The following AASS variants were observed in gnomAD, a reference collection of about 807,000 sequenced individuals.
The protein encoded by AASS is aminoadipate-semialdehyde synthase.
A neutral mutation model predicts 105.4 loss-of-function variants in AASS; 86 were observed. The ratio of observed to expected loss-of-function variants is 0.82; its 90% CI spans 0.69 to 0.98. The LOEUF is 0.98. AASS is among the 50% of genes least tolerant of loss of function. The pLI, the probability that AASS is intolerant of heterozygous loss-of-function variation, is 0.00. For missense variants in AASS, 1,048 were observed against 1,143.2 expected (o/e 0.92, Z 1.20); for synonymous variants, 381 against 394.8 (o/e 0.96, Z 0.41).
chr7:122,127,477 A>G (rs1329703288), intron 3 of AASS, among the ~76,000 whole-genome samples: 2 of 152,102 alleles, frequency 1.3e-5, no homozygotes, highest in African/African-American at 2.4e-5. Context: ...TAATTTTCTT[A>G]TAATGAACAA....
intron 11 of AASS, among the ~76,000 whole-genome samples, chr7:122,104,335 C>T (rs1156242196): frequency 6.6e-6 from 1 of 152,074 alleles, no homozygotes; most frequent in African/African-American, 2.4e-5. Context: ...GTGGCTCACA[C>T]CTGTAATCCC....
Position 122,115,152 on chromosome 7 carries a change from C to A in AASS, c.965G>T (p.Arg322Leu). The A allele has an allele frequency of 6.2e-7, 1 of 1,614,062 alleles. No individual in the cohort carries two copies. The highest frequency in any genetic ancestry group is 8.5e-7 in the Non-Finnish European group (1 of 1,180,002). ...AGCCAGGAGACTCTGAGCATCTTGG[C>A]GGGTTAGGAGGCGAGGAGTGTTTTG... ...WEQNTPRLLT[R>L]QDAQSLLAPG... Residue 322 changes from arginine (R) to leucine (L), a missense_variant, in exon 9 of 24, where the codon CGC (arginine) becomes CTC (leucine). By Grantham distance (102) the Arg-to-Leu change is moderately radical. Transcript: ENST00000417368.
intron 1 of AASS, among the ~76,000 whole-genome samples, chr7:122,134,055 A>T (rs1341917599): frequency 6.6e-6 from 1 of 152,218 alleles, no homozygotes; most frequent in Non-Finnish European, 1.5e-5. Context: ...GTTTTAAACA[A>T]ATTAATCTAC....
At chr7:122,086,897 C>A (rs1045707533) in intron 18 of AASS, among the ~76,000 whole-genome samples, 17 of 152,152 alleles carry the variant, frequency 1.1e-4, no homozygotes, top group African/African-American at 4.1e-4. Flanking sequence ...ACCCCTACCC[C>A]CATCACACAT....
At chr7:122,096,526 G>A (rs1794161827) in intron 15 of AASS, among the ~76,000 whole-genome samples, 1 of 152,024 alleles carries the variant, frequency 6.6e-6, no homozygotes, top group Non-Finnish European at 1.5e-5. Flanking sequence ...TACTTGGGTG[G>A]TTGAGGTGGG....
At chr7:122,098,424 A>C (rs755717168) in intron 15 of AASS, 26 bp downstream of exon 15, 1 of 1,610,802 alleles carries the variant, frequency 6.2e-7, no homozygotes, top group Non-Finnish European at 8.5e-7. Flanking sequence ...CAAAAATATG[A>C]AACTCATTTC....
At chr7:122,107,722 G>A (rs369334386) in intron 11 of AASS, among the ~76,000 whole-genome samples, 49 of 152,098 alleles carry the variant, frequency 3.2e-4, no homozygotes, top group African/African-American at 1.1e-3. Context: ...CACATAGAGG[G>A]GAACAACACA....
At chr7:122,108,828 A>G (rs573212586) in intron 11 of AASS, among the ~76,000 whole-genome samples, 1 of 152,160 alleles carries the variant, frequency 6.6e-6, no homozygotes, top group African/African-American at 2.4e-5. Context: ...GCAAAAAAAA[A>G]GAAAACAAAG....
rs188291145 is a variant in AASS, at chr7:122,078,709, C to T, written c.2485+153G>A. On this transcript the variant is annotated intron_variant, in intron 22 of 23. Coordinates refer to ENST00000417368, the MANE Select transcript of AASS (RefSeq NM_005763.4). ...ATTTTTACCTAATAATTCTCAAATT[C>T]CTCCCTCTGGAAAAATAGTCCAATT... 1.1e-4 allele frequency among the ~76,000 whole-genome samples: 16 copies of T among 152,284 alleles called. No homozygotes were observed. The East Asian group carries it at 2.7e-3, about 26-fold the overall frequency.
Position 122,098,520 on chromosome 7 carries a change from C to A in AASS, c.1585G>T (p.Val529Phe). The A allele has an allele frequency of 1.2e-6, 2 of 1,611,402 alleles. No homozygotes were observed. Among genetic ancestry groups the A allele is most frequent in the South Asian group, 2.2e-5 (2 of 90,988 alleles). Residue 529 changes from valine (V) to phenylalanine (F), a missense_variant, in exon 15 of 24, where the codon GTT becomes TTT. Coordinates refer to ENST00000417368, the MANE Select transcript of AASS (RefSeq NM_005763.4). ...QLGKKYNINPVSMDICKQEEK... is the reference protein window; with the variant it reads ...QLGKKYNINPFSMDICKQEEK... ...TCTTGTTTACAAATGTCCATGCTAA[C>A]AGGATTAATATTATATTTCTTGCCT...
intron 15 of AASS, among the ~76,000 whole-genome samples, chr7:122,094,237 TGTAAAATAAAAGTTGAAA>T (rs1794038307): frequency 6.6e-6 from 1 of 152,102 alleles, no homozygotes; most frequent in Non-Finnish European, 1.5e-5. Flanking sequence ...AACCCCTGAT[TGTAAAATAAAAGTTGAAA>T]GTAAAATAAA....
intron 9 of AASS, 74 bp from the exon 10 acceptor site, chr7:122,113,794 T>C: frequency 6.4e-7 from 1 of 1,559,990 alleles, no homozygotes; most frequent in Non-Finnish European, 8.7e-7. Flanking sequence ...AAAAAGGAGT[T>C]TGGAACAATT....
intron 18 of AASS, among the ~76,000 whole-genome samples, chr7:122,089,720 C>T (rs541056027): frequency 1.3e-5 from 2 of 152,282 alleles, no homozygotes; most frequent in South Asian, 4.1e-4. Flanking sequence ...GAACCCAAAG[C>T]TCACAACCAG....
intron 11 of AASS, among the ~76,000 whole-genome samples, chr7:122,104,267 A>G (rs6954861): frequency 0.3 from 45,439 of 151,344 alleles, 7,091 homozygotes; most frequent in East Asian, 0.43. Context: ...AAAATGTGGT[A>G]TATATACACC....
intron 15 of AASS, among the ~76,000 whole-genome samples, chr7:122,096,998 T>G (rs1261819770): frequency 1.3e-5 from 2 of 152,148 alleles, no homozygotes; most frequent in African/African-American, 4.8e-5. Flanking sequence ...CATGGTAATA[T>G]CAGAGAGGTT....
chr7:122,113,743 G>C (rs1795039743), intron 9 of AASS, 23 bp from the exon 10 acceptor site: 1 of 1,609,710 alleles, frequency 6.2e-7, no homozygotes, highest in African/African-American at 1.3e-5. Context: ...TCAATACTTA[G>C]ATGAGAGGAT....
At chr7:122,121,865 T>G (rs1331804518) in intron 4 of AASS, among the ~76,000 whole-genome samples, 1 of 152,122 alleles carries the variant, frequency 6.6e-6, no homozygotes, top group African/African-American at 2.4e-5. Flanking sequence ...AGAAAATCTG[T>G]GTTTAATCTT....
intron 20 of AASS, among the ~76,000 whole-genome samples, chr7:122,079,989 A>T (rs996443984): frequency 1.3e-5 from 2 of 152,182 alleles, no homozygotes; most frequent in African/African-American, 4.8e-5. Flanking sequence ...TCTTACCAGC[A>T]CATTCCCTGT....
chr7:122,093,269 C>A, intron 15 of AASS, 111 bp from the exon 16 acceptor site: 1 of 838,070 alleles, frequency 1.2e-6, no homozygotes, highest in Non-Finnish European at 2.0e-6. Context: ...TTAAATTATT[C>A]TCTCAGAAAA....
Sources: gnomAD v4.1 joint callset for allele counts (sites outside exome capture counted in the v4.1 genomes callset) on GRCh38, gnomAD v4.1.1 for gene constraint, MANE v1.5 for transcripts, NCBI Gene and HGNC (gene_info 2026-07-23, HGNC 2026-07-21) for gene names.